KIF26B: variants seen among roughly 807,000 people sequenced by gnomAD.
KIF26B encodes the protein kinesin family member 26B.
KIF26B carries 63 observed loss-of-function variants against 151.2 expected under a neutral mutation model. The observed-to-expected ratio is 0.42, with a 90% CI of 0.34 to 0.51. The LOEUF is 0.51. KIF26B is among the 20% of genes least tolerant of loss of function. The pLI, the probability that KIF26B is intolerant of heterozygous loss-of-function variation, is 0.07. For missense variants in KIF26B, 2,813 were observed against 2,913.6 expected (o/e 0.97, Z 0.79); for synonymous variants, 1,357 against 1,262.1 (o/e 1.08, Z -1.59).
At chr1:245,412,235 A>G (rs1572049305) in intron 3 of KIF26B, among the ~76,000 whole-genome samples, 1 of 152,366 alleles carries the variant, frequency 6.6e-6, no homozygotes, top group Admixed American at 6.5e-5. Context: ...GCATTAAGTA[A>G]CAGTGTAAGT....
intron 2 of KIF26B, among the ~76,000 whole-genome samples, chr1:245,311,975 G>A (rs1482733793): frequency 6.6e-6 from 1 of 152,174 alleles, no homozygotes; most frequent in African/African-American, 2.4e-5. Context: ...AATCAGCCAC[G>A]CTGAATTGAG....
intron 3 of KIF26B, among the ~76,000 whole-genome samples, chr1:245,392,644 C>T (rs1051660479): frequency 1.3e-5 from 2 of 152,130 alleles, no homozygotes; most frequent in African/African-American, 2.4e-5. Context: ...TTTCCCTGCC[C>T]GTTCCTCTCC....
intron 2 of KIF26B, among the ~76,000 whole-genome samples, chr1:245,308,744 AG>A (rs1325359583): frequency 1.3e-5 from 2 of 152,184 alleles, no homozygotes; most frequent in African/African-American, 4.8e-5. Flanking sequence ...TCTCAAAACA[AG>A]ACAAAACAAA....
At chr1:245,521,918 G>A (rs1398164023) in intron 4 of KIF26B, among the ~76,000 whole-genome samples, 1 of 128,384 alleles carries the variant, frequency 7.8e-6, no homozygotes, top group East Asian at 2.1e-4. Flanking sequence ...CAGGCTGGAT[G>A]GAGTGCAGTG....
intron 4 of KIF26B, among the ~76,000 whole-genome samples, chr1:245,507,586 G>A (rs1038599600): frequency 6.6e-6 from 1 of 152,172 alleles, no homozygotes; most frequent in African/African-American, 2.4e-5. Flanking sequence ...GCTGTCAGCT[G>A]GAAGCCAATT....
chr1:245,520,350 G>A (rs1661064416), intron 4 of KIF26B, among the ~76,000 whole-genome samples: 1 of 152,168 alleles, frequency 6.6e-6, no homozygotes, highest in Non-Finnish European at 1.5e-5. Context: ...GAAAACACAT[G>A]TTGGACACAG....
chr1:245,658,058 T>C (rs548656894), intron 10 of KIF26B, among the ~76,000 whole-genome samples: 4 of 152,220 alleles, frequency 2.6e-5, no homozygotes, highest in Non-Finnish European at 5.9e-5. Flanking sequence ...TTATAGGTTT[T>C]ACCACCTAAG....
intron 2 of KIF26B, among the ~76,000 whole-genome samples, chr1:245,197,045 G>A (rs4658725): frequency 0.42 from 63,306 of 151,966 alleles, 13,744 homozygotes; most frequent in East Asian, 0.75. Flanking sequence ...CAAGTGCGTC[G>A]AGCCACTCAG....
chr1:245,263,702 C>G (rs1195149378), intron 2 of KIF26B, among the ~76,000 whole-genome samples: 1 of 152,118 alleles, frequency 6.6e-6, no homozygotes, highest in African/African-American at 2.4e-5. Flanking sequence ...AGACCCATTT[C>G]CCCAAAAAAG....
chr1:245,354,504 C>T (rs1446003335), intron 2 of KIF26B, among the ~76,000 whole-genome samples: 1 of 152,222 alleles, frequency 6.6e-6, no homozygotes, highest in East Asian at 1.9e-4. Context: ...GCTGGTGACA[C>T]TGTCAGCGGC....
At chr1:245,614,505 G>C (rs1241079213) in intron 9 of KIF26B, among the ~76,000 whole-genome samples, 1 of 152,202 alleles carries the variant, frequency 6.6e-6, no homozygotes, top group East Asian at 1.9e-4. Context: ...CTGGAGGCTT[G>C]GTTCCTACCC....
intron 5 of KIF26B, among the ~76,000 whole-genome samples, chr1:245,591,213 A>C (rs1360592975): frequency 1.3e-5 from 2 of 152,208 alleles, no homozygotes; most frequent in East Asian, 3.8e-4. Flanking sequence ...TCGCCATTTT[A>C]CTAATGAGGA....
chr1:245,229,288 T>C (rs1455030069), intron 2 of KIF26B, among the ~76,000 whole-genome samples: 1 of 152,116 alleles, frequency 6.6e-6, no homozygotes, highest in East Asian at 1.9e-4. Flanking sequence ...ATCTTACCCA[T>C]GTGTCTCTGA....
intron 9 of KIF26B, among the ~76,000 whole-genome samples, chr1:245,624,497 C>T (rs1369398911): frequency 6.6e-6 from 1 of 152,174 alleles, no homozygotes; most frequent in Non-Finnish European, 1.5e-5. Flanking sequence ...TTTTAGTTTG[C>T]ACTTCGCTAA....
chr1:245,181,912 G>A (rs1371082863), intron 2 of KIF26B, among the ~76,000 whole-genome samples: 2 of 152,072 alleles, frequency 1.3e-5, no homozygotes, highest in East Asian at 3.9e-4. Flanking sequence ...TTGGGTGCAG[G>A]CCTAACTGTT....
At position 245,563,335 on chromosome 1, in the gene KIF26B, G is replaced by T. The variant is rs2042974014; in HGVS notation, c.1350+22385G>T. ...TCTCTTGTTCCTTCTTATTGCAGTG[G>T]GGGACGTGTCTTTGCCTTCTTTCAA... On this transcript the variant is annotated intron_variant, in intron 5 of 14. Coordinates refer to ENST00000407071, the MANE Select transcript of KIF26B (RefSeq NM_018012.4). This position sits in a 1 kb window ranked among gnomAD's most constrained non-coding sequence, Gnocchi z 4.6. 6.6e-6 allele frequency among the ~76,000 whole-genome samples: 1 copy of T among 152,100 alleles called. No homozygotes were observed. Among genetic ancestry groups the T allele is most frequent in the African/African-American group, 2.4e-5 (1 of 41,410 alleles).
intron 3 of KIF26B, among the ~76,000 whole-genome samples, chr1:245,409,812 G>A (rs908617389): frequency 2.6e-5 from 4 of 152,190 alleles, no homozygotes; most frequent in African/African-American, 4.8e-5. Context: ...CACATGAACT[G>A]CGAGGACTAG....
intron 4 of KIF26B, among the ~76,000 whole-genome samples, chr1:245,448,267 G>A (rs1454670016): frequency 6.6e-6 from 1 of 152,194 alleles, no homozygotes; most frequent in African/African-American, 2.4e-5. Flanking sequence ...GAGTGCAGTG[G>A]CATGATCTTG....
In KIF26B at chr1:245,688,482, G is replaced by A. The variant is rs959487794; in HGVS notation, c.5499G>A (p.Gly1833=). The change falls in exon 12 of 15, where the codon GGG becomes GGA. Residue 1833 remains glycine, a synonymous_variant. Coordinates refer to ENST00000407071, the MANE Select transcript of KIF26B (RefSeq NM_018012.4). ...LRAGPEAEAR[G]GALAEDEPAA... ...CCGGGCCCGAGGCGGAGGCGCGCGG[G>A]GGGGCCCTGGCCGAGGACGAGCCCG... is the stretch of plus-strand genomic sequence containing the variant. 1.4e-6 allele frequency: 2 copies of A among 1,404,654 alleles called. No homozygotes were observed. Among genetic ancestry groups the A allele is most frequent in the South Asian group, 1.6e-5 (1 of 62,628 alleles). 87.0% of individuals were successfully genotyped at this position (1,404,654 alleles called of 1,614,324 possible). A position where few individuals can be genotyped will look rare whatever the true frequency, so the allele number is the denominator to read the frequency against.
Sources: allele counts gnomAD v4.1 joint callset (sites outside exome capture counted in the v4.1 genomes callset), GRCh38; gene constraint gnomAD v4.1.1; non-coding constraint Gnocchi (gnomAD v3.1); transcripts MANE v1.5; gene names NCBI Gene and HGNC (gene_info 2026-07-23, HGNC 2026-07-21).